CFAP92: variants seen among roughly 807,000 people sequenced by gnomAD.
CFAP92 encodes the protein cilia and flagella associated protein 92 (putative).
A neutral mutation model predicts 106.3 loss-of-function variants in CFAP92; 86 were observed. The observed-to-expected ratio is 0.81, with a 90% confidence interval of 0.68 to 0.97. CFAP92 has a LOEUF of 0.97. Among genes scored for constraint, CFAP92 ranks in the 50% least tolerant of loss-of-function variants. CFAP92 has a pLI of 0.00. For missense variants in CFAP92, 1,204 were observed against 1,283.8 expected (o/e 0.94, Z 0.95); for synonymous variants, 477 against 506.4 (o/e 0.94, Z 0.78).
chr3:129,020,959 G>A, the CFAP92 span, among the ~76,000 whole-genome samples: 1 of 152,238 alleles, frequency 6.6e-6, no homozygotes, highest in African/African-American at 2.4e-5. Flanking sequence ...TGGCCAGTGG[G>A]ATGTAAGGCC....
intron 8 of CFAP92, chr3:128,968,406 A>T (rs1942539225): frequency 6.6e-6 from 1 of 152,224 alleles, no homozygotes; most frequent in African/African-American, 2.4e-5. Flanking sequence ...AAAAATAATT[A>T]TGCTGGGCTT....
intron 11 of CFAP92, among the ~76,000 whole-genome samples, chr3:128,933,448 G>A (rs939524137): frequency 2.0e-5 from 3 of 152,236 alleles, no homozygotes; most frequent in African/African-American, 7.2e-5. Context: ...GACCTCCCCA[G>A]CCCCAAAGCC....
At position 128,915,572 on chromosome 3, in the gene CFAP92, G is replaced by A. The variant is rs1289319899; in HGVS notation, c.2917-9C>T. The A allele has an allele frequency of 2.0e-6, 3 of 1,496,222 alleles. No homozygotes were observed. Among genetic ancestry groups the A allele is most frequent in the Admixed American group, 2.2e-5 (1 of 44,636 alleles). The allele number at this position is 1,496,222 out of a possible 1,614,324, so 92.7% of individuals were successfully genotyped here. A position where few individuals can be genotyped will look rare whatever the true frequency, so the allele number is the denominator to read the frequency against. ...AATCTCTTTCTTGGCTCCTAGAAATGGGGGCAGACAGGTTGGGGTGGAAGG... is the reference window on the plus strand; with the variant it reads ...AATCTCTTTCTTGGCTCCTAGAAATAGGGGCAGACAGGTTGGGGTGGAAGG... On this transcript the variant is annotated splice_polypyrimidine_tract_variant and intron_variant, in intron 13 of 15. Transcript: ENST00000645291.
At chr3:128,957,583 C>CA (rs888727310) in intron 9 of CFAP92, among the ~76,000 whole-genome samples, 4 of 151,800 alleles carry the variant, frequency 2.6e-5, no homozygotes, top group East Asian at 1.9e-4. Context: ...CCAAGAGAAA[C>CA]AAAAAAACAG....
At chr3:128,939,613 T>G (rs1939426043) in intron 10 of CFAP92, among the ~76,000 whole-genome samples, 1 of 151,920 alleles carries the variant, frequency 6.6e-6, no homozygotes, top group South Asian at 2.1e-4. Context: ...CTCCGTATAC[T>G]CCCAACCCCC....
intron 10 of CFAP92, among the ~76,000 whole-genome samples, chr3:128,939,297 C>A (rs1453298494): frequency 6.6e-6 from 1 of 152,082 alleles, no homozygotes; most frequent in Non-Finnish European, 1.5e-5. Flanking sequence ...CGCCACCACG[C>A]CTGGCTAACT....
intron 12 of CFAP92, among the ~76,000 whole-genome samples, chr3:128,924,432 CTTTTTTTTTTTTTT>C (rs71153151): frequency 4.3e-5 from 3 of 69,808 alleles, no homozygotes; most frequent in African/African-American, 5.6e-5. Flanking sequence ...ACGATTGTAT[CTTTTTTTTTTTTTT>C]TTTTTTTTTT....
chr3:128,931,472 C>CATATAT (rs60585171), intron 12 of CFAP92, among the ~76,000 whole-genome samples: 1,809 of 147,552 alleles, frequency 0.012, 14 homozygotes, highest in Admixed American at 0.02. Context: ...TATACACATA[C>CATATAT]ATGTATATAT....
intron 1 of CFAP92, among the ~76,000 whole-genome samples, chr3:129,000,362 C>T (rs1358407242): frequency 7.9e-5 from 12 of 152,196 alleles, no homozygotes; most frequent in Non-Finnish European, 1.8e-4. Context: ...AAATGGACAA[C>T]GTGCTGATTC....
intron 8 of CFAP92, chr3:128,968,001 C>A (rs1315655903): frequency 6.6e-6 from 1 of 152,256 alleles, no homozygotes; most frequent in Non-Finnish European, 1.5e-5. Context: ...AGACACAAGC[C>A]CCCTGAGTTA....
the CFAP92 span, among the ~76,000 whole-genome samples, chr3:129,017,181 T>A: frequency 6.6e-6 from 1 of 152,202 alleles, no homozygotes; most frequent in Non-Finnish European, 1.5e-5. Context: ...TCTAAACCAA[T>A]CTGAAGGAAG....
intron 6 of CFAP92, 88 bp from the exon 7 acceptor site, chr3:128,975,991 G>A (rs1028460163): frequency 2.8e-5 from 39 of 1,374,390 alleles, no homozygotes; most frequent in Non-Finnish European, 3.7e-5. Context: ...GACTAAATGA[G>A]AGCAGATTTT....
intron 9 of CFAP92, among the ~76,000 whole-genome samples, chr3:128,948,492 A>C (rs1446042078): frequency 3.0e-5 from 4 of 132,614 alleles, no homozygotes; most frequent in South Asian, 2.4e-4. Flanking sequence ...CCAAATTGCC[A>C]GGATAACAGG....
In CFAP92 at chr3:128,924,710, G is replaced by A. The variant is rs186854032; in HGVS notation, c.2751+7990C>T. Among the ~76,000 whole-genome samples the A allele has an allele frequency of 1.5e-3, 228 of 152,116 alleles. 1 individual carries two copies. Among genetic ancestry groups the A allele is most frequent in the African/African-American group, 5.4e-3 (223 of 41,478 alleles). ...GATCTGCCTGCCTCAGCCTCCCAAA[G>A]TGCTGGGATTATAGGCGTGAGCCAC... On this transcript the variant is annotated intron_variant, in intron 12 of 15. Coordinates refer to ENST00000645291, the MANE Select transcript of CFAP92 (RefSeq NM_001394090.1).
intron 4 of CFAP92, among the ~76,000 whole-genome samples, chr3:128,984,634 GCCTATTGTGGGACTTCA>G (rs1943737116): frequency 6.6e-6 from 1 of 152,164 alleles, no homozygotes; most frequent in African/African-American, 2.4e-5. Context: ...CTTGCAGACG[GCCTATTGTGGGACTTCA>G]CCTTGTGATC....
rs1215357638 is a variant in CFAP92 at position 128,945,887 on chromosome 3, T to C, written c.1442A>G (p.Tyr481Cys). ...TKGEPHGTHV[Y>C]FQDINVIFLG... ...GAAGATGACGTTGATGTCCTGGAAA[T>C]AAACGTGGGTTCCATGGGGCTCCCC... Residue 481 changes from tyrosine to cysteine, a missense_variant, in exon 10 of 16, where the codon TAT becomes TGT. Coordinates refer to ENST00000645291, the MANE Select transcript of CFAP92 (RefSeq NM_001394090.1). 4.8e-6 allele frequency: 7 copies of C among 1,469,132 alleles called. No individual in the cohort carries two copies. The Admixed American group carries it at 7.6e-5, about 16-fold the overall frequency. The allele number at this position is 1,469,132 out of a possible 1,614,324, so 91.0% of individuals were successfully genotyped here. A position where few individuals can be genotyped will look rare whatever the true frequency, so the allele number is the denominator to read the frequency against.
intron 9 of CFAP92, among the ~76,000 whole-genome samples, chr3:128,946,987 A>G (rs1044783957): frequency 1.3e-5 from 2 of 152,222 alleles, no homozygotes; most frequent in Admixed American, 6.5e-5. Flanking sequence ...CAACCACACA[A>G]TGGAGAAGCT....
At chr3:128,974,988 C>A (rs534291266) in intron 7 of CFAP92, among the ~76,000 whole-genome samples, 1 of 150,224 alleles carries the variant, frequency 6.7e-6, no homozygotes, top group African/African-American at 2.5e-5. Context: ...GGCGTGGTGG[C>A]GGGCGCCTGT....
intron 10 of CFAP92, among the ~76,000 whole-genome samples, chr3:128,941,939 T>C (rs533920294): frequency 7.8e-4 from 119 of 152,340 alleles, no homozygotes; most frequent in African/African-American, 2.7e-3. Flanking sequence ...GTTTTATTTC[T>C]AGCCTAATTC....
Sources: allele counts gnomAD v4.1 joint callset (sites outside exome capture counted in the v4.1 genomes callset), GRCh38; gene constraint gnomAD v4.1.1; transcripts MANE v1.5; gene names NCBI Gene and HGNC (gene_info 2026-07-23, HGNC 2026-07-21).